Variants in SH3PXD2B observed in about 807,000 individuals in gnomAD.
SH3PXD2B encodes SH3 and PX domain-containing protein 2B.
A neutral mutation model predicts 73.1 loss-of-function variants in SH3PXD2B; 37 were observed. The observed-to-expected ratio is 0.51, with a 90% confidence interval of 0.39 to 0.67. The LOEUF (loss-of-function observed/expected upper bound fraction) is 0.67, where lower values mean the gene tolerates loss of function less well. Among genes scored for constraint, SH3PXD2B ranks in the 30% least tolerant of loss-of-function variants. The pLI is 0.00. For synonymous variants in SH3PXD2B, 457 were observed against 480.5 expected (o/e 0.95, Z 0.64); for missense variants, 1,053 against 1,197.8 (o/e 0.88, Z 1.78).
At chr5:172,354,084 C>A in intron 8 of SH3PXD2B, 79 bp from the exon 9 acceptor site, 1 of 1,361,278 alleles carries the variant, frequency 7.3e-7, no homozygotes. Flanking sequence ...GATGCCCTTG[C>A]CCGTCGGAGG....
chr5:172,400,024 C>G (rs1032852134), intron 3 of SH3PXD2B, among the ~76,000 whole-genome samples: 26 of 152,304 alleles, frequency 1.7e-4, no homozygotes, highest in South Asian at 1.7e-3. Context: ...TAAATACCCC[C>G]CTCTGTGCCT....
Position 172,350,500 on chromosome 5 carries a change from G to A in SH3PXD2B, c.875C>T (p.Pro292Leu), listed in dbSNP as rs776418736. 3 of 1,614,178 alleles carry A rather than the reference G, an allele frequency of 1.9e-6. 1 individual carries two copies. The highest frequency in any genetic ancestry group is 3.3e-5 in the Admixed American group (2 of 60,034). The change falls in exon 10 of 13, where the codon CCC (proline) becomes CTC (leucine). Residue 292 changes from proline (P) to leucine (L), a missense_variant. By Grantham distance (98) the Pro-to-Leu change is moderately conservative (BLOSUM62 -3). This residue lies in a region of SH3PXD2B where 466 missense variants were observed against 607.1 expected (regional missense o/e 0.77). Coordinates refer to ENST00000311601, the MANE Select transcript of SH3PXD2B (RefSeq NM_001017995.3). ...CAAGTCAAGGGCACCCGGGTGGGAG[G>A]GTGAGCCAGGGCCTGGCTTCGGGGG... is the stretch of plus-strand genomic sequence containing the variant. Reference protein sequence around the residue: ...PLPPKPGPGSPSHPGALDLDG... With the variant: ...PLPPKPGPGSLSHPGALDLDG...
rs1345736008 is a variant in SH3PXD2B at position 172,337,369 on chromosome 5, T to C, written c.*1000A>G. The C allele has an allele frequency of 1.2e-5, 12 of 983,650 alleles. No individual in the cohort carries two copies. Among genetic ancestry groups the C allele is most frequent in the African/African-American group, 1.7e-5 (1 of 57,186 alleles). The allele number at this position is 983,650 out of a possible 1,614,324, so 60.9% of individuals were successfully genotyped here. On this transcript the variant is annotated 3_prime_UTR_variant, in exon 13 of 13. Transcript: ENST00000311601. The stretch of plus-strand genomic sequence containing the variant: ...CAGGCAGGCCTGGACTCAAATCCTC[T>C]TCCCTCTTCCTCCTGGCTGGTGTGT...
At chr5:172,405,895 A>C (rs560299313) in intron 3 of SH3PXD2B, among the ~76,000 whole-genome samples, 1 of 152,350 alleles carries the variant, frequency 6.6e-6, no homozygotes, top group African/African-American at 2.4e-5. Context: ...AGATGGGAGA[A>C]ACTGAGGATC....
chr5:172,337,716 G>A lies in SH3PXD2B; in HGVS notation c.*653C>T. ...CAGGGCTGACCACGGTCCCAAGATA[G>A]AAGGTGGGAGGCAGGGCGGCTGAGC... On this transcript the variant is annotated 3_prime_UTR_variant, in exon 13 of 13. Coordinates refer to ENST00000311601, the MANE Select transcript of SH3PXD2B (RefSeq NM_001017995.3). 1.0e-6 allele frequency: 1 copy of A among 992,724 alleles called. No homozygotes were observed. The highest frequency in any genetic ancestry group is 1.2e-6 in the Non-Finnish European group (1 of 834,298). The allele number at this position is 992,724 out of a possible 1,614,324, so 61.5% of individuals were successfully genotyped here.
chr5:172,398,315 T>C (rs6556025), intron 3 of SH3PXD2B, among the ~76,000 whole-genome samples: 69,466 of 152,104 alleles, frequency 0.46, 16,496 homozygotes, highest in East Asian at 0.69. Flanking sequence ...TGTGAAAAAT[T>C]TGCTTTTACT....
At position 172,333,529 on chromosome 5, in the gene SH3PXD2B, C is replaced by CT; in HGVS notation, c.*4839dup. ...GATGAAGCTTGAAACCAGTCAAGCA[C>CT]TTTTTTTATTTAAAAAAAAAAAAAG... On this transcript the variant is annotated 3_prime_UTR_variant, in exon 13 of 13. Transcript: ENST00000311601. The CT allele has an allele frequency of 8.8e-7, 1 of 1,139,422 alleles. No homozygotes were observed. Among genetic ancestry groups the CT allele is most frequent in the Non-Finnish European group, 1.1e-6 (1 of 925,960 alleles). 70.6% of individuals were successfully genotyped at this position (1,139,422 alleles called of 1,614,324 possible). A position where few individuals can be genotyped will look rare whatever the true frequency, so the allele number is the denominator to read the frequency against.
chr5:172,381,403 C>T lies in SH3PXD2B; in HGVS notation c.401+633G>A, dbSNP rs141399338. ...CCCTTCCTGCTTTCCCCAAAGCACC[C>T]GGGCCGGCCAGAGTGTTGGTGCGTA... On this transcript the variant is annotated intron_variant, in intron 5 of 12. Transcript: ENST00000311601. Among the ~76,000 whole-genome samples, 7 of 152,336 alleles carry T rather than the reference C, an allele frequency of 4.6e-5. No individual in the cohort carries two copies. The East Asian group carries it at 5.8e-4, about 13-fold the overall frequency.
At chr5:172,426,902 CA>C (rs1326555916) in intron 1 of SH3PXD2B, among the ~76,000 whole-genome samples, 1 of 152,216 alleles carries the variant, frequency 6.6e-6, no homozygotes, top group Non-Finnish European at 1.5e-5. Flanking sequence ...AGATGCAAGA[CA>C]AAACAGTCCT....
In SH3PXD2B at chr5:172,334,712, T is replaced by G; in HGVS notation, c.*3657A>C. ...CTACTGGAAGGCAGGAGCAGTTTCT[T>G]CTTTTTCCCACTCTGTGCTGGGTAC... On this transcript the variant is annotated 3_prime_UTR_variant, in exon 13 of 13. Coordinates refer to ENST00000311601, the MANE Select transcript of SH3PXD2B (RefSeq NM_001017995.3). 2.0e-6 allele frequency: 2 copies of G among 985,498 alleles called. No homozygotes were observed. The highest frequency in any genetic ancestry group is 2.4e-6 in the Non-Finnish European group (2 of 829,974). 61.0% of individuals were successfully genotyped at this position (985,498 alleles called of 1,614,324 possible).
intron 2 of SH3PXD2B, among the ~76,000 whole-genome samples, chr5:172,417,916 G>T (rs79371636): frequency 0.029 from 4,422 of 152,132 alleles, 226 homozygotes; most frequent in African/African-American, 0.1. Flanking sequence ...TCATCACCCC[G>T]AAAAGGTACC....
In SH3PXD2B at chr5:172,335,012, G is replaced by T; in HGVS notation, c.*3357C>A. The T allele has an allele frequency of 1.0e-6, 1 of 985,458 alleles. No individual in the cohort carries two copies. Among genetic ancestry groups the T allele is most frequent in the Non-Finnish European group, 1.2e-6 (1 of 829,960 alleles). The allele number at this position is 985,458 out of a possible 1,614,324, so 61.0% of individuals were successfully genotyped here. On this transcript the variant is annotated 3_prime_UTR_variant, in exon 13 of 13. Coordinates refer to ENST00000311601, the MANE Select transcript of SH3PXD2B (RefSeq NM_001017995.3). ...CCAGTAGGGAAGGGCCATTAAAAGC[G>T]GTTTAAGCTGGAGCTCAGCTCTCCC...
chr5:172,390,815 TTGTGTGTGTGTGTGTGTGTGTGTGTGTG>T (rs56116617), intron 4 of SH3PXD2B, among the ~76,000 whole-genome samples: 8 of 139,898 alleles, frequency 5.7e-5, no homozygotes, highest in Non-Finnish European at 1.1e-4. Flanking sequence ...TTCCCGTCTT[TTGTGTGTGTGTGTGTGTGTGTGTGTGTG>T]TGTGTGTGTG....
intron 3 of SH3PXD2B, among the ~76,000 whole-genome samples, chr5:172,397,527 C>T (rs1758330818): frequency 6.6e-6 from 1 of 152,192 alleles, no homozygotes; most frequent in Non-Finnish European, 1.5e-5. Context: ...ATCACAGAAC[C>T]TGCCGACATG....
intron 1 of SH3PXD2B, among the ~76,000 whole-genome samples, chr5:172,424,853 C>T (rs911818694): frequency 1.3e-5 from 2 of 152,140 alleles, no homozygotes. Flanking sequence ...GAGCACCTTG[C>T]CAGGAAGACA....
chr5:172,400,122 T>C (rs984784922), intron 3 of SH3PXD2B, among the ~76,000 whole-genome samples: 10 of 152,306 alleles, frequency 6.6e-5, no homozygotes, highest in Middle Eastern at 6.8e-3. Context: ...AACCGGGACA[T>C]TTGGTCTCCG....
At chr5:172,448,807 T>C (rs992078228) in intron 1 of SH3PXD2B, among the ~76,000 whole-genome samples, 44 of 152,218 alleles carry the variant, frequency 2.9e-4, no homozygotes, top group African/African-American at 9.9e-4. Flanking sequence ...ACCCAGATGT[T>C]TACCTCTAAC....
Position 172,445,843 on chromosome 5 carries a change from A to G in SH3PXD2B, c.75+8435T>C, listed in dbSNP as rs1178616397. 1.3e-5 allele frequency among the ~76,000 whole-genome samples: 2 copies of G among 152,192 alleles called. No homozygotes were observed. Among genetic ancestry groups the G allele is most frequent in the Non-Finnish European group, 2.9e-5 (2 of 68,036 alleles). ...TGGGCTGAGAGTCATGCCCGCCTGC[A>G]GGTGTGCATCTGGGCCAGCAAATAA... On this transcript the variant is annotated intron_variant, in intron 1 of 12. Transcript: ENST00000311601. This position sits in a 1 kb window ranked among gnomAD's most constrained non-coding sequence, Gnocchi z 5.2.
intron 1 of SH3PXD2B, 79 bp from the exon 2 acceptor site, chr5:172,422,575 A>T: frequency 7.4e-7 from 1 of 1,357,520 alleles, no homozygotes; most frequent in Non-Finnish European, 1.0e-6. Context: ...GGAGCACAAG[A>T]CTCAGAGTCA....
Sources: allele counts gnomAD v4.1 joint callset (sites outside exome capture counted in the v4.1 genomes callset), GRCh38; gene constraint gnomAD v4.1.1; regional missense constraint gnomAD v4.1.1; non-coding constraint Gnocchi (gnomAD v3.1); transcripts MANE v1.5; gene names NCBI Gene and HGNC (gene_info 2026-07-23, HGNC 2026-07-21).